The following ATXN2L variants were observed in gnomAD, a reference collection of about 807,000 sequenced individuals.
The protein encoded by ATXN2L is ataxin 2 like.
In ATXN2L, 24 loss-of-function variants were observed where a neutral mutation model predicts 120.7. The ratio of observed to expected loss-of-function variants is 0.20; its 90% CI spans 0.14 to 0.28. The LOEUF is 0.28. ATXN2L is among the 10% of genes least tolerant of loss of function. ATXN2L has a pLI of 1.00. For synonymous variants in ATXN2L, 653 were observed against 568.1 expected, an observed-to-expected ratio of 1.15 and a Z score of -2.13; for missense variants, 1,312 against 1,432.3, an observed-to-expected ratio of 0.92 and a Z score of 1.36.
chr16:28,827,510 A>G (rs2151973287), intron 6 of ATXN2L, among the ~76,000 whole-genome samples: 1 of 152,348 alleles, frequency 6.6e-6, no homozygotes, highest in African/African-American at 2.4e-5. Context: ...ATTTTTCAAC[A>G]TAACAAAAAG....
chr16:28,826,867 T>G lies in ATXN2L; in HGVS notation c.622T>G (p.Phe208Val). Reference protein sequence around the residue: ...VDFNYATKDKFTDSAIAMNSK... With the variant: ...VDFNYATKDKVTDSAIAMNSK... ...CTTCACCTCTGCCCCCACAGACAAG[T>G]TCACCGATTCAGCCATTGCCATGAA... The change falls in exon 6 of 22, where the codon TTC becomes GTC. Residue 208 changes from phenylalanine to valine, a missense_variant. Coordinates refer to ENST00000336783, the MANE Select transcript of ATXN2L (RefSeq NM_007245.4). 6.3e-7 allele frequency: 1 copy of G among 1,580,218 alleles called. No individual in the cohort carries two copies. The highest frequency in any genetic ancestry group is 8.6e-7 in the Non-Finnish European group (1 of 1,159,308).
In ATXN2L at chr16:28,826,877, C is replaced by A; in HGVS notation, c.632C>A (p.Ser211Ter). Residue 211 changes from serine (S) to a stop codon, truncating the protein, a stop_gained, in exon 6 of 22, where the codon TCA becomes TAA. Transcript: ENST00000336783. LOFTEE classifies it high-confidence loss of function. ...GCCCCCACAGACAAGTTCACCGATT[C>A]AGCCATTGCCATGAACTCGAAAGTG... Reference protein sequence around the residue: ...NYATKDKFTDSAIAMNSKVNG... With the variant: ...NYATKDKFTD 6.3e-7 allele frequency: 1 copy of A among 1,588,748 alleles called. No individual in the cohort carries two copies. The highest frequency in any genetic ancestry group is 1.7e-5 in the Admixed American group (1 of 57,410).
intron 6 of ATXN2L, among the ~76,000 whole-genome samples, chr16:28,828,246 C>G (rs998049681): frequency 6.6e-6 from 1 of 152,132 alleles, no homozygotes; most frequent in East Asian, 1.9e-4. Flanking sequence ...TATGACTTTT[C>G]AGGTTTACTA....
chr16:28,827,205 C>T lies in ATXN2L; in HGVS notation c.741+219C>T, dbSNP rs575043256. Among the ~76,000 whole-genome samples, 9 of 151,650 alleles carry T rather than the reference C, an allele frequency of 5.9e-5. No individual in the cohort carries two copies. The South Asian group carries it at 6.3e-4, about 11-fold the overall frequency. ...TCCCAGCACTTTGGGAGGCCAAGGCCGGTGGGTCACTTGAGGCAAGGATTT... is the reference window on the plus strand; with the variant it reads ...TCCCAGCACTTTGGGAGGCCAAGGCTGGTGGGTCACTTGAGGCAAGGATTT... On this transcript the variant is annotated intron_variant, in intron 6 of 21. Coordinates refer to ENST00000336783, the MANE Select transcript of ATXN2L (RefSeq NM_007245.4).
At chr16:28,835,244 G>T (rs1250026285) in intron 19 of ATXN2L, 34 bp from the exon 20 acceptor site, 2 of 1,613,298 alleles carry the variant, frequency 1.2e-6, no homozygotes, top group Admixed American at 3.3e-5. Context: ...CCTCTGGTGT[G>T]CTCAGCACTG....
chr16:28,834,891 C>T (rs926118605), intron 18 of ATXN2L, 167 bp from the exon 19 acceptor site: 1 of 1,165,646 alleles, frequency 8.6e-7, no homozygotes. Flanking sequence ...ACATCTGTAT[C>T]TCTGAAGTGT....
intron 5 of ATXN2L, 177 bp from the exon 6 acceptor site, chr16:28,826,685 T>A: frequency 1.3e-6 from 1 of 745,724 alleles, no homozygotes; most frequent in Non-Finnish European, 2.0e-6. Context: ...TGATAGACTT[T>A]TTATACTCTT....
chr16:28,824,002 TG>T, intron 1 of ATXN2L: 1 of 679,458 alleles, frequency 1.5e-6, no homozygotes, highest in Non-Finnish European at 1.8e-6. Flanking sequence ...GTTTGGCCAA[TG>T]GGGAGGGAGG....
intron 6 of ATXN2L, among the ~76,000 whole-genome samples, chr16:28,828,933 G>C (rs2053305678): frequency 1.3e-5 from 2 of 152,064 alleles, no homozygotes; most frequent in South Asian, 2.1e-4. Context: ...AGTAGAGACG[G>C]GGTTTCACCA....
rs554686278 is a variant in ATXN2L, at chr16:28,836,686, G to T, written c.*421G>T. On this transcript the variant is annotated 3_prime_UTR_variant, in exon 22 of 22. Transcript: ENST00000336783. Reference sequence around the variant, plus strand: ...CATTGGAGGAAGGGACAGCTGCTTGGGTTCTAATGCTCCTGCTCTCTTCTC... The same window carrying T: ...CATTGGAGGAAGGGACAGCTGCTTGTGTTCTAATGCTCCTGCTCTCTTCTC... The T allele has an allele frequency of 1.2e-6, 2 of 1,613,494 alleles. No homozygotes were observed. The highest frequency in any genetic ancestry group is 1.7e-6 in the Non-Finnish European group (2 of 1,179,920).
In ATXN2L at chr16:28,823,422, G is replaced by A; in HGVS notation, c.163G>A (p.Ala55Thr). ...SAAPPGPPAA[A>T]SPCLGPVAAA... ...GGCTCCTCCCGGGCCTCCAGCGGCC[G>A]CCTCCCCCTGCCTGGGGCCTGTGGC... Residue 55 changes from alanine (A) to threonine (T), a missense_variant, in exon 1 of 22, where the codon GCC becomes ACC. Ala to Thr is a moderately conservative substitution (Grantham distance 58, BLOSUM62 0). Coordinates refer to ENST00000336783, the MANE Select transcript of ATXN2L (RefSeq NM_007245.4). 24 of 1,298,814 alleles carry A rather than the reference G, an allele frequency of 1.8e-5. No individual in the cohort carries two copies. Among genetic ancestry groups the A allele is most frequent in the South Asian group, 4.6e-5 (2 of 43,134 alleles). 80.5% of individuals were successfully genotyped at this position (1,298,814 alleles called of 1,614,324 possible).
chr16:28,835,467 TA>T, intron 20 of ATXN2L, 68 bp downstream of exon 20: 1 of 1,611,338 alleles, frequency 6.2e-7, no homozygotes. Flanking sequence ...GGGATAGAGC[TA>T]GGGGTCATTT....
chr16:28,823,051 C>G lies in ATXN2L; in HGVS notation c.-209C>G, dbSNP rs2050183911. 2.9e-6 allele frequency: 1 copy of G among 339,586 alleles called. No homozygotes were observed. The highest frequency in any genetic ancestry group is 5.3e-6 in the Non-Finnish European group (1 of 188,536). The allele number at this position is 339,586 out of a possible 1,614,324, so 21.0% of individuals were successfully genotyped here. A position where few individuals can be genotyped will look rare whatever the true frequency, so the allele number is the denominator to read the frequency against. ...TCGCGCCCTCTCGCTTTCCTCCAGC[C>G]GCGAGACCCCCTCCCCTTCCGCCTC... On this transcript the variant is annotated 5_prime_UTR_variant, in exon 1 of 22. Coordinates refer to ENST00000336783, the MANE Select transcript of ATXN2L (RefSeq NM_007245.4).
At chr16:28,826,212 A>G (rs373114293) in intron 4 of ATXN2L, 28 bp from the exon 5 acceptor site, 1 of 1,611,488 alleles carries the variant, frequency 6.2e-7, no homozygotes, top group Non-Finnish European at 8.5e-7. Flanking sequence ...AAACTGACCC[A>G]TGGGTGTGGG....
At position 28,833,139 on chromosome 16, in the gene ATXN2L, G is replaced by C; in HGVS notation, c.1740G>C (p.Glu580Asp). 1 of 1,614,224 alleles carries C rather than the reference G, an allele frequency of 6.2e-7. No homozygotes were observed. ...TAAAGGAGGAGCCCAAAGGAAAGGA[G>C]AAAGAGGTTGATGGTCTGTTGACTT... The part of the protein sequence containing the change: ...RILKEEPKGK[E>D]KEVDGLLTSE... The change falls in exon 14 of 22, where the codon GAG (glutamate) becomes GAC (aspartate). Residue 580 changes from glutamate (E) to aspartate (D), a missense_variant. Coordinates refer to ENST00000336783, the MANE Select transcript of ATXN2L (RefSeq NM_007245.4).
chr16:28,826,617 G>C, intron 5 of ATXN2L: 1 of 590,278 alleles, frequency 1.7e-6, no homozygotes, highest in Non-Finnish European at 2.8e-6. Flanking sequence ...CTGTGTTGTG[G>C]TTCTTCATAT....
chr16:28,827,664 C>T (rs577052349), intron 6 of ATXN2L, among the ~76,000 whole-genome samples: 2 of 152,218 alleles, frequency 1.3e-5, no homozygotes, highest in Non-Finnish European at 2.9e-5. Context: ...TCACTTGAGC[C>T]CAGGAGTTTG....
chr16:28,831,332 T>G (rs1596930248), intron 10 of ATXN2L, among the ~76,000 whole-genome samples: 1 of 152,086 alleles, frequency 6.6e-6, no homozygotes, highest in East Asian at 1.9e-4. Context: ...TTTGTTTTGT[T>G]TTTTTCTTTT....
rs758300889 is a variant in ATXN2L, at chr16:28,823,213, CCT to C, written c.-41_-40del. The C allele has an allele frequency of 9.1e-4, 1,153 of 1,270,328 alleles. 2 individuals carry two copies. The highest frequency in any genetic ancestry group is 2.4e-3 in the Admixed American group (70 of 29,018). The allele number at this position is 1,270,328 out of a possible 1,614,324, so 78.7% of individuals were successfully genotyped here. On this transcript the variant is annotated 5_prime_UTR_variant, in exon 1 of 22. Coordinates refer to ENST00000336783, the MANE Select transcript of ATXN2L (RefSeq NM_007245.4). ...TCCAGCGGGGCCCCAGCCCCGGCCC[CCT>C]CTCTCCCTCCCTTCTCTCTAATTCC...
Sources: allele counts gnomAD v4.1 joint callset (sites outside exome capture counted in the v4.1 genomes callset), GRCh38; gene constraint gnomAD v4.1.1; transcripts MANE v1.5; gene names NCBI Gene and HGNC (gene_info 2026-07-23, HGNC 2026-07-21).